OTOF: variants seen among roughly 807,000 people sequenced by gnomAD.
OTOF encodes the protein otoferlin.
OTOF carries 218 observed loss-of-function variants against 236.8 expected under a neutral mutation model. The observed-to-expected ratio is 0.92, with a 90% CI of 0.82 to 1.03. The LOEUF (loss-of-function observed/expected upper bound fraction) is 1.03, where lower values mean the gene tolerates loss of function less well. Among genes scored for constraint, OTOF ranks in the 50% least tolerant of loss-of-function variants. The pLI is 0.00. For missense variants in OTOF, 2,590 were observed against 2,694.4 expected, an observed-to-expected ratio of 0.96 and a Z score of 0.86; for synonymous variants, 1,041 against 1,072.5, an observed-to-expected ratio of 0.97 and a Z score of 0.57.
At chr2:26,556,992 G>A (rs1282882135) in intron 1 of OTOF, among the ~76,000 whole-genome samples, 1 of 152,214 alleles carries the variant, frequency 6.6e-6, no homozygotes, top group East Asian at 1.9e-4. Context: ...AGAGAAAGCA[G>A]TCAGTGGGTT....
chr2:26,553,276 C>A (rs1202745989), intron 1 of OTOF, among the ~76,000 whole-genome samples: 1 of 152,154 alleles, frequency 6.6e-6, no homozygotes, highest in African/African-American at 2.4e-5. Flanking sequence ...TGGAACTTGG[C>A]TGCAATTCTC....
rs774036068 is a variant in OTOF, at chr2:26,473,513, G to T, written c.3463C>A (p.Arg1155=). ...LKRVNLAQVD[R]PRVDIECAGK... is the part of the protein sequence containing the mutation. ...GCACACTCGATGTCCACCCGTGGCC[G>T]GTCCACCTGGGCCAGGTTCACCCGC... Residue 1155 remains arginine (R), a synonymous_variant, in exon 28 of 47, where the codon CGG becomes AGG. Transcript: ENST00000272371. This position sits in a 1 kb window ranked among gnomAD's most constrained non-coding sequence, Gnocchi z 7.2. 2.5e-6 allele frequency: 4 copies of T among 1,612,508 alleles called. No individual in the cohort carries two copies. The South Asian group carries it at 3.3e-5, about 13-fold the overall frequency.
rs527737195 is a variant in OTOF, at chr2:26,473,064, C to T, written c.3733+68G>A. On this transcript the variant is annotated intron_variant, in intron 29 of 46. Transcript: ENST00000272371. The surrounding 1 kb of genome is among the most constrained non-coding windows in gnomAD (Gnocchi z 7.2). ...AACTCTGGTCGCGGCTTGGACTGGG[C>T]GGAGACCTGGAGCCCTTCCCTGGGG... 57 of 1,508,890 alleles carry T rather than the reference C, an allele frequency of 3.8e-5. No individual in the cohort carries two copies. The Admixed American group carries it at 5.1e-4, about 13-fold the overall frequency. The allele number at this position is 1,508,890 out of a possible 1,614,324, so 93.5% of individuals were successfully genotyped here. A position where few individuals can be genotyped will look rare whatever the true frequency, so the allele number is the denominator to read the frequency against.
intron 1 of OTOF, among the ~76,000 whole-genome samples, chr2:26,556,099 C>T (rs1415072272): frequency 6.6e-6 from 1 of 152,210 alleles, no homozygotes; most frequent in African/African-American, 2.4e-5. Flanking sequence ...CTGCTCTGGC[C>T]TACCTAGGGC....
At chr2:26,553,568 G>A (rs1426649816) in intron 1 of OTOF, among the ~76,000 whole-genome samples, 1 of 152,190 alleles carries the variant, frequency 6.6e-6, no homozygotes, top group African/African-American at 2.4e-5. Context: ...GTCAGATGGT[G>A]AGATCCTGCC....
chr2:26,507,991 G>C (rs1232554681), intron 5 of OTOF, among the ~76,000 whole-genome samples: 2 of 152,100 alleles, frequency 1.3e-5, no homozygotes, highest in Non-Finnish European at 2.9e-5. Context: ...ATAATGACTT[G>C]GGAACATTCA....
At chr2:26,481,071 G>A (rs1665529663) in intron 14 of OTOF, 62 bp from the exon 15 acceptor site, 1 of 1,279,918 alleles carries the variant, frequency 7.8e-7, no homozygotes, top group African/African-American at 1.5e-5. Flanking sequence ...GGGGAAGAGG[G>A]GCCTCTTTTG....
intron 5 of OTOF, among the ~76,000 whole-genome samples, chr2:26,506,246 C>G (rs1666245082): frequency 6.6e-6 from 1 of 152,246 alleles, no homozygotes; most frequent in Admixed American, 6.5e-5. Flanking sequence ...TCCTGAATTA[C>G]CCAGGAGTCT....
chr2:26,527,350 C>T (rs1187418935), intron 3 of OTOF, among the ~76,000 whole-genome samples: 1 of 152,232 alleles, frequency 6.6e-6, no homozygotes, highest in African/African-American at 2.4e-5. Flanking sequence ...TTTCCAGGGT[C>T]ACACAGTAGA....
intron 5 of OTOF, among the ~76,000 whole-genome samples, chr2:26,512,232 A>G (rs1019131186): frequency 6.6e-6 from 1 of 152,178 alleles, no homozygotes; most frequent in South Asian, 2.1e-4. Flanking sequence ...GTCGCAGAAT[A>G]CTGGGACTCA....
chr2:26,526,551 T>C (rs919148233), intron 3 of OTOF, among the ~76,000 whole-genome samples: 6 of 152,308 alleles, frequency 3.9e-5, no homozygotes, highest in African/African-American at 1.4e-4. Context: ...CCTCTATGAT[T>C]TTCCCTTTCA....
At chr2:26,514,911 C>T (rs946894696) in intron 5 of OTOF, among the ~76,000 whole-genome samples, 6 of 152,196 alleles carry the variant, frequency 3.9e-5, no homozygotes, top group African/African-American at 7.2e-5. Context: ...TGGAGACAGT[C>T]GAGGAGGACC....
intron 5 of OTOF, among the ~76,000 whole-genome samples, chr2:26,514,384 G>C (rs890223499): frequency 6.6e-6 from 1 of 152,252 alleles, no homozygotes; most frequent in Non-Finnish European, 1.5e-5. Context: ...AAGCCACCAG[G>C]CTGTGAGGAA....
In OTOF at chr2:26,458,055, C is replaced by A. The variant is rs765372800; in HGVS notation, c.*183G>T. Reference sequence around the variant, plus strand: ...CTGGCGGCCTTCATGCCCCAAGGAGCTTTTTGACCATGTAGCCAGGGAGGC... The same window carrying A: ...CTGGCGGCCTTCATGCCCCAAGGAGATTTTTGACCATGTAGCCAGGGAGGC... On this transcript the variant is annotated 3_prime_UTR_variant, in exon 47 of 47. Coordinates refer to ENST00000272371, the MANE Select transcript of OTOF (RefSeq NM_194248.3). The A allele has an allele frequency of 1.2e-6, 2 of 1,613,764 alleles. No homozygotes were observed. Among genetic ancestry groups the A allele is most frequent in the Non-Finnish European group, 1.7e-6 (2 of 1,179,686 alleles).
Position 26,464,294 on chromosome 2 carries a change from A to G in OTOF, c.4961-188T>C, listed in dbSNP as rs144387283. 0.015 allele frequency among the ~76,000 whole-genome samples: 2,235 copies of G among 152,180 alleles called. 19 individuals are homozygous for G. The highest frequency in any genetic ancestry group is 0.02 in the Non-Finnish European group (1,329 of 68,014). ...TTGCCCAGGGTCTCAGCTGCCCCAC[A>G]GGGCCAAGAGAGGTCTGTGCCCTTG... On this transcript the variant is annotated intron_variant, in intron 39 of 46. Transcript: ENST00000272371.
chr2:26,495,322 A>C (rs1665956139), intron 8 of OTOF, among the ~76,000 whole-genome samples: 1 of 152,212 alleles, frequency 6.6e-6, no homozygotes. Context: ...AGTGTTCACT[A>C]GACTTAACTT....
chr2:26,470,842 G>T lies in OTOF; in HGVS notation c.3895-121C>A. The T allele has an allele frequency of 6.6e-7, 1 of 1,520,432 alleles. No homozygotes were observed. The highest frequency in any genetic ancestry group is 1.4e-5 in the African/African-American group (1 of 72,668). 94.2% of individuals were successfully genotyped at this position (1,520,432 alleles called of 1,614,324 possible). ...CTTGGGCTCCATGAGGCTCTGTGGG[G>T]CCACCCATGTCCAAGGGGCAGGGCC... On this transcript the variant is annotated intron_variant, in intron 31 of 46. Coordinates refer to ENST00000272371, the MANE Select transcript of OTOF (RefSeq NM_194248.3). The surrounding 1 kb of genome is among the most constrained non-coding windows in gnomAD (Gnocchi z 4.3).
rs756694424 is a variant in OTOF at position 26,461,768 on chromosome 2, C to T, written c.5461G>A (p.Glu1821Lys). The T allele has an allele frequency of 5.6e-6, 9 of 1,614,168 alleles. No homozygotes were observed. The Admixed American group carries it at 1.2e-4, about 21-fold the overall frequency. Residue 1821 changes from glutamate to lysine, a missense_variant, in exon 43 of 47, where the codon GAG (glutamate) becomes AAG (lysine). Glu to Lys is a moderately conservative substitution (Grantham distance 56, BLOSUM62 1). This residue lies in a region of OTOF where 1,211 missense variants were observed against 1,352.8 expected (regional missense o/e 0.90). Coordinates refer to ENST00000272371, the MANE Select transcript of OTOF (RefSeq NM_194248.3). This position sits in a 1 kb window ranked among gnomAD's most constrained non-coding sequence, Gnocchi z 6.2. The part of the protein sequence containing the change: ...KESMFSWDET[E>K]YKIPARLTLQ... ...GTGAGCCGCGCGGGGATCTTGTACT[C>T]GGTCTCGTCCCAGGAGAACATGGAC...
At chr2:26,484,811 T>C (rs1665662513) in intron 11 of OTOF, among the ~76,000 whole-genome samples, 178 bp from the exon 12 acceptor site, 1 of 152,196 alleles carries the variant, frequency 6.6e-6, no homozygotes, top group Admixed American at 6.5e-5. Context: ...TGAGGTCCTC[T>C]GGAGCTGGGG....
Sources: gnomAD v4.1 joint callset for allele counts (sites outside exome capture counted in the v4.1 genomes callset) on GRCh38, gnomAD v4.1.1 for gene constraint, gnomAD v4.1.1 regional missense constraint, Gnocchi (gnomAD v3.1) non-coding constraint, MANE v1.5 for transcripts, NCBI Gene and HGNC (gene_info 2026-07-23, HGNC 2026-07-21) for gene names.